The following EGF variants were observed in gnomAD, a reference collection of about 807,000 sequenced individuals.
EGF encodes the protein epidermal growth factor.
EGF carries 95 observed loss-of-function variants against 143.8 expected under a neutral mutation model. The ratio of observed to expected loss-of-function variants is 0.66; its 90% CI spans 0.56 to 0.78. The LOEUF (loss-of-function observed/expected upper bound fraction) is 0.78, where lower values mean the gene tolerates loss of function less well. EGF is among the 30% of genes least tolerant of loss of function. EGF has a pLI of 0.00. For missense variants in EGF, 1,320 were observed against 1,470.9 expected, an observed-to-expected ratio of 0.90 and a Z score of 1.68; for synonymous variants, 510 against 510.5, an observed-to-expected ratio of 1.00 and a Z score of 0.01.
chr4:109,955,747 T>C (rs1361118271), intron 5 of EGF, among the ~76,000 whole-genome samples: 1 of 152,186 alleles, frequency 6.6e-6, no homozygotes, highest in African/African-American at 2.4e-5. Flanking sequence ...CAGGGTTTTT[T>C]TGTGGATGTA....
intron 11 of EGF, among the ~76,000 whole-genome samples, chr4:109,973,583 T>C (rs1317973935): frequency 6.6e-6 from 1 of 151,766 alleles, no homozygotes; most frequent in African/African-American, 2.4e-5. Context: ...CCTCTCCCTC[T>C]TTCCCCTCTT....
chr4:109,995,398 G>A (rs932574154), intron 20 of EGF, among the ~76,000 whole-genome samples: 2 of 152,042 alleles, frequency 1.3e-5, no homozygotes, highest in African/African-American at 4.8e-5. Flanking sequence ...TTTACATTTT[G>A]TTGTTCAGTA....
intron 16 of EGF, among the ~76,000 whole-genome samples, chr4:109,984,397 A>G (rs775426495): frequency 6.6e-6 from 1 of 152,132 alleles, no homozygotes; most frequent in Non-Finnish European, 1.5e-5. Flanking sequence ...TTTTTATAAG[A>G]TATAAATAAG....
intron 11 of EGF, among the ~76,000 whole-genome samples, chr4:109,974,407 A>G (rs200258257): frequency 6.6e-6 from 1 of 152,090 alleles, no homozygotes; most frequent in African/African-American, 2.4e-5. Context: ...GAATGTCCTC[A>G]CCCAGCCACT....
chr4:110,011,584 C>G lies in EGF; in HGVS notation c.*129C>G. ...CTACGACTAATCACCTACTCAATGC[C>G]TGGAGACAGATACGTAGTTGTGCTT... On this transcript the variant is annotated 3_prime_UTR_variant, in exon 24 of 24. Coordinates refer to ENST00000265171, the MANE Select transcript of EGF (RefSeq NM_001963.6). The G allele has an allele frequency of 1.4e-6, 2 of 1,384,956 alleles. No homozygotes were observed. Among genetic ancestry groups the G allele is most frequent in the Non-Finnish European group, 2.0e-6 (2 of 1,000,632 alleles). 85.8% of individuals were successfully genotyped at this position (1,384,956 alleles called of 1,614,324 possible).
intron 1 of EGF, among the ~76,000 whole-genome samples, chr4:109,925,219 A>C (rs567232043): frequency 6.6e-6 from 1 of 152,366 alleles, no homozygotes; most frequent in South Asian, 2.1e-4. Context: ...GAAAAACCAC[A>C]TGACAACAAA....
intron 11 of EGF, among the ~76,000 whole-genome samples, chr4:109,971,302 A>G (rs1747614015): frequency 6.6e-6 from 1 of 152,234 alleles, no homozygotes; most frequent in South Asian, 2.1e-4. Flanking sequence ...AGTTGTAATA[A>G]TTATAAAAAT....
chr4:109,925,957 T>C lies in EGF; in HGVS notation c.127+12495T>C, dbSNP rs571840037. Among the ~76,000 whole-genome samples, 312 of 152,294 alleles carry C rather than the reference T, an allele frequency of 2.0e-3. 4 individuals are homozygous for C. Among genetic ancestry groups the C allele is most frequent in the African/African-American group, 7.1e-3 (296 of 41,558 alleles). On this transcript the variant is annotated intron_variant, in intron 1 of 23. Transcript: ENST00000265171. ...ATCAAGCATTATGGAACATCATTGA[T>C]GTAGTTATTCCTATAAAACAAGACT... is the stretch of plus-strand genomic sequence containing the variant.
intron 13 of EGF, among the ~76,000 whole-genome samples, chr4:109,979,097 C>T (rs1232250694): frequency 6.6e-6 from 1 of 152,174 alleles, no homozygotes; most frequent in Non-Finnish European, 1.5e-5. Context: ...CAGAGCAGTT[C>T]CAGTGGCACA....
chr4:109,975,673 C>A (rs1270520279), intron 12 of EGF, among the ~76,000 whole-genome samples: 1 of 152,176 alleles, frequency 6.6e-6, no homozygotes, highest in Non-Finnish European at 1.5e-5. Flanking sequence ...TGCCTTTTTG[C>A]AGTACAAAAT....
chr4:110,012,728 A>T lies in EGF; in HGVS notation c.*1273A>T, dbSNP rs964435861. 1.2e-4 allele frequency among the ~76,000 whole-genome samples: 18 copies of T among 152,272 alleles called. No individual in the cohort carries two copies. The highest frequency in any genetic ancestry group is 3.1e-4 in the African/African-American group (13 of 41,566). On this transcript the variant is annotated 3_prime_UTR_variant, in exon 24 of 24. Coordinates refer to ENST00000265171, the MANE Select transcript of EGF (RefSeq NM_001963.6). The stretch of plus-strand genomic sequence containing the variant: ...GCCCAGCCTTGTAACTTTTAAAAAA[A>T]TTTTTTAATCTACAACTCTGTAGAT...
chr4:109,974,924 C>T, intron 12 of EGF, 117 bp downstream of exon 12: 1 of 720,338 alleles, frequency 1.4e-6, no homozygotes, highest in Admixed American at 2.1e-5. Context: ...TTCAAATCTT[C>T]AGCATGAATT....
chr4:109,949,467 GT>G (rs1579573343), intron 5 of EGF, among the ~76,000 whole-genome samples: 1 of 152,246 alleles, frequency 6.6e-6, no homozygotes, highest in African/African-American at 2.4e-5. Flanking sequence ...AGTTGAATGA[GT>G]TTTTTCTTGA....
In EGF at chr4:109,927,617, G is replaced by C. The variant is rs576935345; in HGVS notation, c.128-13329G>C. Among the ~76,000 whole-genome samples, 8 of 151,824 alleles carry C rather than the reference G, an allele frequency of 5.3e-5. No homozygotes were observed. In the East Asian group the frequency reaches 1.2e-3, roughly 22 times the overall value. On this transcript the variant is annotated intron_variant, in intron 1 of 23. Transcript: ENST00000265171. ...CGGGCGCTTGTGGTCCCAGCTACTCGGGAGGCTGAGGCAGGAGAATAGCGC... is the reference window on the plus strand; with the variant it reads ...CGGGCGCTTGTGGTCCCAGCTACTCCGGAGGCTGAGGCAGGAGAATAGCGC...
At chr4:109,934,039 A>G (rs560793438) in intron 1 of EGF, among the ~76,000 whole-genome samples, 1 of 152,320 alleles carries the variant, frequency 6.6e-6, no homozygotes, top group Non-Finnish European at 1.5e-5. Context: ...ACTCCCACCA[A>G]CAGTGTAAAA....
At chr4:109,958,432 C>T (rs553054831) in intron 5 of EGF, among the ~76,000 whole-genome samples, 19 of 152,244 alleles carry the variant, frequency 1.2e-4, no homozygotes, top group Non-Finnish European at 2.8e-4. Flanking sequence ...GCTAATTCAA[C>T]CCAAACACCC....
rs552731350 is a variant in EGF at position 110,011,279 on chromosome 4, G to T, written c.3448G>T (p.Val1150Leu). ...MGTEQGCWIP[V>L]SSDKGSCPQV... ...CACAGAGCAAGGCTGCTGGATTCCA[G>T]TATCCAGTGATAAGGGCTCCTGTCC... Residue 1150 changes from valine (V) to leucine (L), a missense_variant, in exon 24 of 24, where the codon GTA becomes TTA. Coordinates refer to ENST00000265171, the MANE Select transcript of EGF (RefSeq NM_001963.6). The T allele has an allele frequency of 3.7e-6, 6 of 1,614,192 alleles. No homozygotes were observed. Among genetic ancestry groups the T allele is most frequent in the African/African-American group, 1.3e-5 (1 of 75,054 alleles).
intron 22 of EGF, among the ~76,000 whole-genome samples, chr4:110,004,867 G>C (rs1337636414): frequency 1.3e-5 from 2 of 151,686 alleles, no homozygotes; most frequent in Admixed American, 6.6e-5. Context: ...TAAATTTTTG[G>C]AATTTTTTTC....
chr4:109,935,744 T>C (rs1454254493), intron 1 of EGF, among the ~76,000 whole-genome samples: 1 of 152,188 alleles, frequency 6.6e-6, no homozygotes, highest in African/African-American at 2.4e-5. Flanking sequence ...ACCAAGAGTT[T>C]TTAGCATGTA....
Sources: gnomAD v4.1 joint callset for allele counts (sites outside exome capture counted in the v4.1 genomes callset) on GRCh38, gnomAD v4.1.1 for gene constraint, MANE v1.5 for transcripts, NCBI Gene and HGNC (gene_info 2026-07-23, HGNC 2026-07-21) for gene names.